The following CDK8 variants were observed in gnomAD, a reference collection of about 807,000 sequenced individuals.
CDK8 encodes cyclin dependent kinase 8.
Under a neutral mutation model 71.5 loss-of-function variants are expected in CDK8, and 29 were observed. The observed-to-expected ratio is 0.41, with a 90% CI of 0.30 to 0.55. The LOEUF is 0.55. Among genes scored for constraint, CDK8 ranks in the 20% least tolerant of loss-of-function variants. The pLI is 0.37. For synonymous variants in CDK8, 161 were observed against 192.1 expected (o/e 0.84, Z 1.34); for missense variants, 288 against 572.6 (o/e 0.50, Z 5.07).
intron 6 of CDK8, among the ~76,000 whole-genome samples, chr13:26,389,897 C>T (rs1875665673): frequency 6.6e-6 from 1 of 152,086 alleles, no homozygotes; most frequent in East Asian, 1.9e-4. Context: ...GCTCAGGAAG[C>T]TGAGGCAGGA....
At chr13:26,323,684 G>T (rs1038728629) in intron 1 of CDK8, among the ~76,000 whole-genome samples, 4 of 151,920 alleles carry the variant, frequency 2.6e-5, no homozygotes, top group Middle Eastern at 3.2e-3. Context: ...TTTTGAGTGT[G>T]GTTTTAAATT....
intron 4 of CDK8, among the ~76,000 whole-genome samples, chr13:26,373,650 G>A (rs1874796289): frequency 6.6e-6 from 1 of 151,980 alleles, no homozygotes; most frequent in African/African-American, 2.4e-5. Context: ...TAAAAATTTT[G>A]ATAAGTTTAA....
intron 6 of CDK8, among the ~76,000 whole-genome samples, chr13:26,390,167 A>G (rs532747967): frequency 6.6e-6 from 1 of 152,142 alleles, no homozygotes; most frequent in Non-Finnish European, 1.5e-5. Flanking sequence ...CTTACCAAGA[A>G]CTTCCCCAGC....
Position 26,377,533 on chromosome 13 carries a change from GC to G in CDK8, c.457-5280del, listed in dbSNP as rs1339467597. ...AAACAGAATTGGTTAAGAATTCTATGCTTTTTTTTCAAATTTAAACAGAGGA... is the reference window on the plus strand; with the variant it reads ...AAACAGAATTGGTTAAGAATTCTATGTTTTTTTTCAAATTTAAACAGAGGA... On this transcript the variant is annotated intron_variant, in intron 4 of 12. Transcript: ENST00000381527. Among the ~76,000 whole-genome samples, 3 of 152,076 alleles carry G rather than the reference GC, an allele frequency of 2.0e-5. No individual in the cohort carries two copies. The East Asian group carries it at 5.8e-4, about 29-fold the overall frequency.
chr13:26,370,885 C>T (rs569612029), intron 4 of CDK8, among the ~76,000 whole-genome samples: 1 of 152,286 alleles, frequency 6.6e-6, no homozygotes, highest in South Asian at 2.1e-4. Context: ...AGTTAAATTT[C>T]ACTTTCTGTA....
rs140857449 is a variant in CDK8 at position 26,304,208 on chromosome 13, G to A, written c.129-33359G>A. Among the ~76,000 whole-genome samples, 823 of 151,272 alleles carry A rather than the reference G, an allele frequency of 5.4e-3. 7 individuals are homozygous for A. The highest frequency in any genetic ancestry group is 0.019 in the African/African-American group (769 of 41,080). ...GAACCCAGGAGGCAGAGGTTGCAGT[G>A]AGCCGAGATTGCGCCGCTACACTCC... On this transcript the variant is annotated intron_variant, in intron 1 of 12. Transcript: ENST00000381527.
intron 2 of CDK8, among the ~76,000 whole-genome samples, chr13:26,344,552 G>A (rs1340749366): frequency 6.6e-6 from 1 of 152,114 alleles, no homozygotes; most frequent in South Asian, 2.1e-4. Flanking sequence ...ATCACTGGAG[G>A]CCAGGAGTTC....
At chr13:26,367,635 G>A (rs1251499894) in intron 4 of CDK8, among the ~76,000 whole-genome samples, 1 of 152,194 alleles carries the variant, frequency 6.6e-6, no homozygotes, top group Non-Finnish European at 1.5e-5. Flanking sequence ...AAGTTGCCCT[G>A]TGAATATTAA....
chr13:26,401,010 C>T lies in CDK8; in HGVS notation c.1032-259C>T, dbSNP rs937537637. On this transcript the variant is annotated intron_variant, in intron 10 of 12. Transcript: ENST00000381527. This position sits in a 1 kb window ranked among gnomAD's most constrained non-coding sequence, Gnocchi z 4.5. The stretch of plus-strand genomic sequence containing the variant: ...GGTCTGTATTAATAGAAGAGTAATG[C>T]TGGGATAAAAGAAGAAAGCTGAATC... Among the ~76,000 whole-genome samples, 1 of 152,060 alleles carries T rather than the reference C, an allele frequency of 6.6e-6. No homozygotes were observed. Among genetic ancestry groups the T allele is most frequent in the Non-Finnish European group, 1.5e-5 (1 of 68,028 alleles).
chr13:26,307,785 G>A (rs776848956), intron 1 of CDK8, among the ~76,000 whole-genome samples: 21 of 152,114 alleles, frequency 1.4e-4, no homozygotes, highest in Non-Finnish European at 2.1e-4. Flanking sequence ...GACATGCATT[G>A]CTGTGCATGT....
intron 1 of CDK8, among the ~76,000 whole-genome samples, chr13:26,298,179 A>G (rs1873652926): frequency 6.6e-6 from 1 of 152,066 alleles, no homozygotes; most frequent in Admixed American, 6.5e-5. Flanking sequence ...TAACATTATG[A>G]GTTCTTGGCA....
intron 3 of CDK8, 33 bp downstream of exon 3, chr13:26,349,215 AG>A: frequency 8.6e-7 from 1 of 1,159,920 alleles, no homozygotes; most frequent in Non-Finnish European, 1.3e-6. Context: ...ATGAGCAAAC[AG>A]TCAGGGATTG....
Position 26,353,781 on chromosome 13 carries a change from G to A in CDK8, c.357G>A (p.Lys119=). Residue 119 remains lysine, a synonymous_variant, in exon 4 of 13, where the codon AAG becomes AAA. Transcript: ENST00000381527. Reference sequence around the variant, plus strand: ...ACAGAGCTTCTAAAGCAAACAAGAAGCCAGTTCAGTTACCTCGGGGAATGG... The same window carrying A: ...ACAGAGCTTCTAAAGCAAACAAGAAACCAGTTCAGTTACCTCGGGGAATGG... The part of the protein sequence containing the change: ...KFHRASKANK[K]PVQLPRGMVK... 1 of 1,613,342 alleles carries A rather than the reference G, an allele frequency of 6.2e-7. No homozygotes were observed. Among genetic ancestry groups the A allele is most frequent in the Non-Finnish European group, 8.5e-7 (1 of 1,179,602 alleles).
intron 1 of CDK8, among the ~76,000 whole-genome samples, chr13:26,279,971 G>C (rs188356380): frequency 2.7e-4 from 41 of 151,348 alleles, no homozygotes; most frequent in African/African-American, 9.4e-4. Flanking sequence ...AGAAAATTGT[G>C]TGTGTGTGTG....
At chr13:26,311,903 C>T (rs1291288531) in intron 1 of CDK8, among the ~76,000 whole-genome samples, 1 of 152,134 alleles carries the variant, frequency 6.6e-6, no homozygotes, top group Non-Finnish European at 1.5e-5. Context: ...GTAGATAAAC[C>T]TGGACAAAAT....
chr13:26,365,692 T>C (rs767310533), intron 4 of CDK8, among the ~76,000 whole-genome samples: 3 of 152,136 alleles, frequency 2.0e-5, no homozygotes, highest in Non-Finnish European at 4.4e-5. Context: ...TAATACATCA[T>C]TATGTATTTT....
intron 4 of CDK8, among the ~76,000 whole-genome samples, chr13:26,358,795 A>G (rs1018602462): frequency 3.3e-5 from 5 of 152,230 alleles, no homozygotes; most frequent in Non-Finnish European, 5.9e-5. Flanking sequence ...TGTACATACA[A>G]TAGAATATTA....
intron 1 of CDK8, among the ~76,000 whole-genome samples, chr13:26,294,825 C>T (rs1232371281): frequency 1.3e-5 from 2 of 152,250 alleles, no homozygotes; most frequent in South Asian, 2.1e-4. Context: ...TCTTGGCTCA[C>T]TGCAACCTCC....
chr13:26,289,296 G>A (rs1389029774), intron 1 of CDK8, among the ~76,000 whole-genome samples: 2 of 151,406 alleles, frequency 1.3e-5, no homozygotes, highest in South Asian at 2.1e-4. Flanking sequence ...CTCGTGAACC[G>A]CCTGCCTTGG....
Sources: allele counts gnomAD v4.1 joint callset (sites outside exome capture counted in the v4.1 genomes callset), GRCh38; gene constraint gnomAD v4.1.1; non-coding constraint Gnocchi (gnomAD v3.1); transcripts MANE v1.5; gene names NCBI Gene and HGNC (gene_info 2026-07-23, HGNC 2026-07-21).